The following ADAMTS12 variants were observed in gnomAD, a reference collection of about 807,000 sequenced individuals.
The protein encoded by ADAMTS12 is ADAM metallopeptidase with thrombospondin type 1 motif 12.
Under a neutral mutation model 167.8 loss-of-function variants are expected in ADAMTS12, and 118 were observed. The observed-to-expected ratio is 0.70, with a 90% CI of 0.61 to 0.82. The LOEUF (loss-of-function observed/expected upper bound fraction) is 0.82, where lower values mean the gene tolerates loss of function less well. ADAMTS12 is among the 40% of genes least tolerant of loss of function. The pLI, the probability that ADAMTS12 is intolerant of heterozygous loss-of-function variation, is 0.00. For synonymous variants in ADAMTS12, 704 were observed against 716.9 expected, an observed-to-expected ratio of 0.98 and a Z score of 0.29; for missense variants, 1,916 against 1,998.8, an observed-to-expected ratio of 0.96 and a Z score of 0.79.
At chr5:33,804,720 C>A (rs979247518) in intron 2 of ADAMTS12, among the ~76,000 whole-genome samples, 6 of 152,144 alleles carry the variant, frequency 3.9e-5, no homozygotes, top group Non-Finnish European at 8.8e-5. Context: ...GAAGAACTAG[C>A]CTAAGGCAGT....
intron 3 of ADAMTS12, among the ~76,000 whole-genome samples, chr5:33,734,644 A>T (rs182907853): frequency 1.1e-4 from 16 of 152,352 alleles, no homozygotes; most frequent in Admixed American, 9.8e-4. Context: ...TGATTCACGA[A>T]TAAAGTATGA....
intron 3 of ADAMTS12, among the ~76,000 whole-genome samples, chr5:33,688,883 C>T (rs1004215497): frequency 6.6e-6 from 1 of 152,158 alleles, no homozygotes; most frequent in African/African-American, 2.4e-5. Context: ...GCCCAGCCCA[C>T]GCAGGTTGAC....
At chr5:33,847,413 G>A (rs996499795) in intron 2 of ADAMTS12, among the ~76,000 whole-genome samples, 31 of 151,964 alleles carry the variant, frequency 2.0e-4, no homozygotes, top group African/African-American at 5.5e-4. Context: ...ACCTGAGGTC[G>A]GGAGTTGGAG....
intron 2 of ADAMTS12, among the ~76,000 whole-genome samples, chr5:33,879,163 T>C (rs1428676034): frequency 6.6e-6 from 1 of 152,186 alleles, no homozygotes; most frequent in Non-Finnish European, 1.5e-5. Flanking sequence ...GTTAACCGTA[T>C]ATATGTGAAT....
At chr5:33,793,522 A>G (rs1051529087) in intron 2 of ADAMTS12, among the ~76,000 whole-genome samples, 1 of 152,238 alleles carries the variant, frequency 6.6e-6, no homozygotes, top group Non-Finnish European at 1.5e-5. Flanking sequence ...ATATCGACAT[A>G]AATGGAAAGT....
Position 33,881,239 on chromosome 5 carries a change from A to G in ADAMTS12, c.369T>C (p.Tyr123=), listed in dbSNP as rs771070359. ...TCATCTTAACATGGGAGAGGTTCCC[A>G]TATCTCTTCTCCATGATGTAGCTAT... is the stretch of plus-strand genomic sequence containing the variant. ...LSNSYIMEKR[Y]GNLSHVKMMA... The change falls in exon 2 of 24, where the codon TAT becomes TAC. Residue 123 remains tyrosine, a synonymous_variant. Coordinates refer to ENST00000504830, the MANE Select transcript of ADAMTS12 (RefSeq NM_030955.4). 97 of 1,614,078 alleles carry G rather than the reference A, an allele frequency of 6.0e-5. 1 individual carries two copies. The South Asian group carries it at 1.0e-3, about 17-fold the overall frequency.
At chr5:33,534,639 GA>G (rs1418155756) in intron 23 of ADAMTS12, among the ~76,000 whole-genome samples, 193 bp downstream of exon 23, 1 of 152,184 alleles carries the variant, frequency 6.6e-6, no homozygotes, top group African/African-American at 2.4e-5. Context: ...AAAAATGGAT[GA>G]GATACTCTCT....
intron 3 of ADAMTS12, among the ~76,000 whole-genome samples, chr5:33,715,004 G>C (rs1743552717): frequency 6.6e-6 from 1 of 152,036 alleles, no homozygotes; most frequent in South Asian, 2.1e-4. Context: ...TTGATATCCT[G>C]AATACCCTGA....
intron 2 of ADAMTS12, among the ~76,000 whole-genome samples, chr5:33,767,945 T>C (rs1013004270): frequency 1.3e-5 from 2 of 152,184 alleles, no homozygotes; most frequent in African/African-American, 2.4e-5. Flanking sequence ...GGAAATTGCA[T>C]GAAATAAACT....
intron 2 of ADAMTS12, among the ~76,000 whole-genome samples, chr5:33,868,354 T>C (rs1388644084): frequency 6.6e-6 from 1 of 152,248 alleles, no homozygotes; most frequent in African/African-American, 2.4e-5. Context: ...TCCAGGAGAC[T>C]TGTTAAATTG....
At chr5:33,798,929 C>A (rs1746887022) in intron 2 of ADAMTS12, among the ~76,000 whole-genome samples, 2 of 152,294 alleles carry the variant, frequency 1.3e-5, no homozygotes, top group South Asian at 4.1e-4. Context: ...TCTGTGGCAT[C>A]TGTGCAATCC....
At position 33,526,416 on chromosome 5, in the gene ADAMTS12, T is replaced by G. The variant is rs140868643; in HGVS notation, c.*772A>C. ...GGCCCACAGTTCCTTTTCTGTAATA[T>G]TAAGAAATTGATTTCTGCTCATTTG... is the stretch of plus-strand genomic sequence containing the variant. On this transcript the variant is annotated 3_prime_UTR_variant, in exon 24 of 24. Coordinates refer to ENST00000504830, the MANE Select transcript of ADAMTS12 (RefSeq NM_030955.4). The G allele has an allele frequency of 2.3e-4, 35 of 152,318 alleles. No individual in the cohort carries two copies. Among genetic ancestry groups the G allele is most frequent in the African/African-American group, 7.9e-4 (33 of 41,566 alleles). 9.4% of individuals were successfully genotyped at this position (152,318 alleles called of 1,614,324 possible).
intron 22 of ADAMTS12, among the ~76,000 whole-genome samples, chr5:33,545,440 G>C (rs1025156473): frequency 6.6e-6 from 1 of 152,178 alleles, no homozygotes; most frequent in Non-Finnish European, 1.5e-5. Context: ...AACCACTGTG[G>C]AGGACAGTGT....
chr5:33,719,862 A>G (rs1375092149), intron 3 of ADAMTS12, among the ~76,000 whole-genome samples: 1 of 152,230 alleles, frequency 6.6e-6, no homozygotes, highest in Non-Finnish European at 1.5e-5. Flanking sequence ...CCTAATACAA[A>G]GAAAAAATTG....
chr5:33,820,482 C>G (rs2591732), intron 2 of ADAMTS12, among the ~76,000 whole-genome samples: 96,686 of 151,972 alleles, frequency 0.64, 30,930 homozygotes, highest in African/African-American at 0.68. Context: ...ATTTGCACAA[C>G]ATCTAAAGAC....
intron 13 of ADAMTS12, among the ~76,000 whole-genome samples, chr5:33,626,565 G>A (rs1340143965): frequency 1.3e-5 from 2 of 151,446 alleles, no homozygotes; most frequent in Non-Finnish European, 2.9e-5. Context: ...TGGTGGTGGT[G>A]ATGTGATGGT....
chr5:33,723,734 T>G (rs1048723216), intron 3 of ADAMTS12, among the ~76,000 whole-genome samples: 3 of 152,172 alleles, frequency 2.0e-5, no homozygotes, highest in African/African-American at 4.8e-5. Context: ...TTTCATGTAC[T>G]CCCCTCCATT....
chr5:33,698,419 T>G (rs1247886267), intron 3 of ADAMTS12, among the ~76,000 whole-genome samples: 1 of 152,200 alleles, frequency 6.6e-6, no homozygotes, highest in East Asian at 1.9e-4. Flanking sequence ...TCACTCATCA[T>G]GGTTCCCAGA....
chr5:33,730,289 G>GGTGTGTGTGTGTGTGT lies in ADAMTS12; in HGVS notation c.634+21099_634+21114dup, dbSNP rs762232547. On this transcript the variant is annotated intron_variant, in intron 3 of 23. Transcript: ENST00000504830. ...CTATTATGAGATCAGAGTCCATTAGGGTGTGTGTGTGTGTGTGTGTGTGTG... is the reference window on the plus strand; with the variant it reads ...CTATTATGAGATCAGAGTCCATTAGGGTGTGTGTGTGTGTGTGTGTGTGTGTGTGTGTGTGTGTGTG... 1.7e-3 allele frequency among the ~76,000 whole-genome samples: 247 copies of GGTGTGTGTGTGTGTGT among 144,254 alleles called. 2 individuals are homozygous for GGTGTGTGTGTGTGTGT. Among genetic ancestry groups the GGTGTGTGTGTGTGTGT allele is most frequent in the Middle Eastern group, 3.5e-3 (1 of 286 alleles). 94.6% of individuals were successfully genotyped at this position (144,254 alleles called of 152,430 possible). A position where few individuals can be genotyped will look rare whatever the true frequency, so the allele number is the denominator to read the frequency against.
Sources: allele counts gnomAD v4.1 joint callset (sites outside exome capture counted in the v4.1 genomes callset), GRCh38; gene constraint gnomAD v4.1.1; transcripts MANE v1.5; gene names NCBI Gene and HGNC (gene_info 2026-07-23, HGNC 2026-07-21).